ARHGAP22: variants seen among roughly 807,000 people sequenced by gnomAD.
ARHGAP22 encodes the protein Rho GTPase activating protein 22.
ARHGAP22 carries 48 observed loss-of-function variants against 59.1 expected under a neutral mutation model. That is an observed-to-expected ratio of 0.81 (90% CI 0.64 to 1.03). ARHGAP22 has a LOEUF of 1.03. Ranked by LOEUF, ARHGAP22 falls within the 50% of genes least tolerant of loss-of-function variation. The pLI is 0.00. For synonymous variants in ARHGAP22, 445 were observed against 416.4 expected (o/e 1.07, Z -0.84); for missense variants, 1,015 against 958.7 (o/e 1.06, Z -0.78).
intron 3 of ARHGAP22, among the ~76,000 whole-genome samples, chr10:48,529,509 C>T (rs1340124228): frequency 2.0e-5 from 3 of 152,094 alleles, no homozygotes; most frequent in East Asian, 1.9e-4. Context: ...TGGAATTGTC[C>T]TGAGACTGTT....
At chr10:48,602,316 T>G (rs2060433281) in intron 1 of ARHGAP22, among the ~76,000 whole-genome samples, 1 of 152,324 alleles carries the variant, frequency 6.6e-6, no homozygotes, top group Non-Finnish European at 1.5e-5. Context: ...AAAGCTCCTA[T>G]AACTTGGCCC....
chr10:48,525,516 T>C (rs1426599906), intron 3 of ARHGAP22, among the ~76,000 whole-genome samples: 1 of 152,234 alleles, frequency 6.6e-6, no homozygotes, highest in South Asian at 2.1e-4. Context: ...GAGGTTGCAG[T>C]GAGCCGAGAT....
chr10:48,635,293 T>A (rs969356018), intron 1 of ARHGAP22, among the ~76,000 whole-genome samples: 1 of 152,238 alleles, frequency 6.6e-6, no homozygotes, highest in Non-Finnish European at 1.5e-5. Flanking sequence ...ATGACTAGTT[T>A]CATACTCCTC....
chr10:48,550,468 G>A (rs1216065670), intron 3 of ARHGAP22, among the ~76,000 whole-genome samples: 1 of 152,218 alleles, frequency 6.6e-6, no homozygotes, highest in Non-Finnish European at 1.5e-5. Context: ...CTTGCTCCGA[G>A]GTGTAGCCAT....
chr10:48,457,091 AGG>A (rs1564683745), intron 5 of ARHGAP22, among the ~76,000 whole-genome samples: 4 of 151,906 alleles, frequency 2.6e-5, no homozygotes. Flanking sequence ...GGGGACAAAG[AGG>A]CCCTGGTGGT....
At chr10:48,461,012 C>T (rs2047084039) in intron 4 of ARHGAP22, among the ~76,000 whole-genome samples, 1 of 152,124 alleles carries the variant, frequency 6.6e-6, no homozygotes, top group African/African-American at 2.4e-5. Context: ...TGAATGGGCA[C>T]AGAGTCTCAG....
Position 48,647,540 on chromosome 10 carries a change from C to A in ARHGAP22, c.52+4694G>T, listed in dbSNP as rs542417748. On this transcript the variant is annotated intron_variant, in intron 1 of 9. Transcript: ENST00000435790. ...ACCCGCTAGGATAGCTATAATAAAA[C>A]AATAGCAAGTGTTGGTGAGGATGTG... Among the ~76,000 whole-genome samples the A allele has an allele frequency of 8.5e-5, 13 of 152,126 alleles. No homozygotes were observed. The South Asian group carries it at 2.1e-3, about 24-fold the overall frequency.
chr10:48,495,818 C>T (rs2050864918), intron 3 of ARHGAP22, among the ~76,000 whole-genome samples: 1 of 152,240 alleles, frequency 6.6e-6, no homozygotes, highest in Non-Finnish European at 1.5e-5. Context: ...GGCTTGCTGG[C>T]TGTGTTGAGG....
chr10:48,638,400 T>TTGTGTGTGTGTG lies in ARHGAP22; in HGVS notation c.52+13822_52+13833dup, dbSNP rs148218697. Among the ~76,000 whole-genome samples the TTGTGTGTGTGTG allele has an allele frequency of 3.8e-3, 581 of 151,480 alleles. 6 individuals are homozygous for TTGTGTGTGTGTG. The highest frequency in any genetic ancestry group is 0.014 in the African/African-American group (560 of 41,322). On this transcript the variant is annotated intron_variant, in intron 1 of 9. Coordinates refer to the ARHGAP22 transcript ENST00000435790. ...AACTCGCGGGCCAGGAGTGTGTGTG[T>TTGTGTGTGTGTG]TGTGTGTGTGTGTGTATGTTTAGCT... is the stretch of plus-strand genomic sequence containing the variant.
intron 3 of ARHGAP22, among the ~76,000 whole-genome samples, chr10:48,502,333 AAG>A (rs2051608477): frequency 6.6e-6 from 1 of 152,152 alleles, no homozygotes; most frequent in Non-Finnish European, 1.5e-5. Flanking sequence ...TGCAGAAGTG[AAG>A]AGTGTGGGAA....
intron 3 of ARHGAP22, among the ~76,000 whole-genome samples, chr10:48,480,229 T>G (rs1325694264): frequency 6.6e-6 from 1 of 152,170 alleles, no homozygotes; most frequent in Non-Finnish European, 1.5e-5. Flanking sequence ...CCGTATATAT[T>G]AAGGTCACAG....
At chr10:48,517,655 C>T (rs1341331418) in intron 3 of ARHGAP22, among the ~76,000 whole-genome samples, 1 of 152,098 alleles carries the variant, frequency 6.6e-6, no homozygotes, top group Non-Finnish European at 1.5e-5. Context: ...CCCTGGAGGC[C>T]AGCAGCGTTG....
chr10:48,652,259 C>T (rs2062599178), exon 1 of ARHGAP22: 2 of 1,535,580 alleles, frequency 1.3e-6, no homozygotes, highest in African/African-American at 1.4e-5. Context: ...CAAACGTCCT[C>T]CTTTTGCTGG....
At chr10:48,451,367 C>G (rs781196966) in intron 8 of ARHGAP22, 17 of 726,418 alleles carry the variant, frequency 2.3e-5, no homozygotes, top group South Asian at 1.8e-4. Flanking sequence ...GGCACAGAGC[C>G]GCAAGCAGGG....
chr10:48,601,398 C>T (rs1021087243), intron 1 of ARHGAP22, among the ~76,000 whole-genome samples: 4 of 152,194 alleles, frequency 2.6e-5, no homozygotes, highest in Admixed American at 1.3e-4. Context: ...GTGTCCTATC[C>T]CTTTACTTCC....
intron 2 of ARHGAP22, among the ~76,000 whole-genome samples, chr10:48,563,559 C>A (rs1002601021): frequency 1.3e-5 from 2 of 152,156 alleles, no homozygotes; most frequent in Non-Finnish European, 2.9e-5. Context: ...TAATTAAATG[C>A]TTGCCATCGT....
intron 3 of ARHGAP22, among the ~76,000 whole-genome samples, chr10:48,484,097 T>A (rs139945549): frequency 1.3e-5 from 2 of 152,358 alleles, no homozygotes; most frequent in East Asian, 1.9e-4. Context: ...GTCTTCTGCA[T>A]ATGGATATCC....
At chr10:48,580,933 T>TTAA (rs3076375) in intron 2 of ARHGAP22, among the ~76,000 whole-genome samples, 2 of 147,780 alleles carry the variant, frequency 1.4e-5, no homozygotes, top group Admixed American at 1.3e-4. Context: ...CAATCTAAAG[T>TTAA]AAAAAAAAAA....
chr10:48,579,014 T>A lies in ARHGAP22; in HGVS notation c.234+3939A>T, dbSNP rs1432361072. On this transcript the variant is annotated intron_variant, in intron 2 of 9. Transcript: ENST00000249601. ...TAAGGGATAGATGAATCTAACCTAT[T>A]CATGTTTATTATGAGAAACAAAATG... Among the ~76,000 whole-genome samples, 5 of 152,194 alleles carry A rather than the reference T, an allele frequency of 3.3e-5. 1 individual carries two copies. The East Asian group carries it at 9.6e-4, about 29-fold the overall frequency.
Sources: allele counts gnomAD v4.1 joint callset (sites outside exome capture counted in the v4.1 genomes callset), GRCh38; gene constraint gnomAD v4.1.1; transcripts MANE v1.5; gene names NCBI Gene and HGNC (gene_info 2026-07-23, HGNC 2026-07-21).